NRXN1: variants seen among roughly 807,000 people sequenced by gnomAD.
The protein encoded by NRXN1 is neurexin-1.
A neutral mutation model predicts 150.9 loss-of-function variants in NRXN1; 39 were observed. That is an observed-to-expected ratio of 0.26 (90% CI 0.20 to 0.34). The LOEUF (loss-of-function observed/expected upper bound fraction) is 0.34. Ranked by LOEUF, NRXN1 falls within the 10% of genes least tolerant of loss-of-function variation. The probability of loss-of-function intolerance (pLI) is 1.00; values close to 1 mark genes in which losing one functional copy is unlikely to be tolerated. For synonymous variants in NRXN1, 924 were observed against 757.0 expected, an observed-to-expected ratio of 1.22 and a Z score of -3.62; for missense variants, 1,815 against 1,949.9, an observed-to-expected ratio of 0.93 and a Z score of 1.30.
rs551187079 is a variant in NRXN1, at chr2:50,132,988, T to C, written c.3547-41494A>G. On this transcript the variant is annotated intron_variant, in intron 18 of 22. Coordinates refer to ENST00000401669, the MANE Select transcript of NRXN1 (RefSeq NM_001330078.2). ...TGAGATAGAAAGGAGCTGCGTAACATTATACTTCGTTTGGGTGTATCTTAG... is the reference window on the plus strand; with the variant it reads ...TGAGATAGAAAGGAGCTGCGTAACACTATACTTCGTTTGGGTGTATCTTAG... Among the ~76,000 whole-genome samples, 21 of 152,126 alleles carry C rather than the reference T, an allele frequency of 1.4e-4. No individual in the cohort carries two copies. The East Asian group carries it at 4.1e-3, about 30-fold the overall frequency.
At chr2:50,801,297 T>C (rs1707551131) in intron 5 of NRXN1, among the ~76,000 whole-genome samples, 1 of 152,208 alleles carries the variant, frequency 6.6e-6, no homozygotes, top group Non-Finnish European at 1.5e-5. Context: ...AGGATAAAAA[T>C]GTACCTATGA....
chr2:50,710,675 A>C (rs990707312), intron 5 of NRXN1, among the ~76,000 whole-genome samples: 6 of 152,162 alleles, frequency 3.9e-5, no homozygotes, highest in African/African-American at 1.4e-4. Context: ...TGAACTCGAC[A>C]TTTAGCTTAC....
intron 5 of NRXN1, among the ~76,000 whole-genome samples, chr2:50,829,999 G>GGA (rs1425873902): frequency 1.0e-4 from 6 of 58,178 alleles, no homozygotes; most frequent in East Asian, 7.6e-4. Flanking sequence ...CTGCCTGCTG[G>GGA]AAAAAAAAAA....
intron 5 of NRXN1, among the ~76,000 whole-genome samples, chr2:50,805,077 ATTAAG>A (rs1176786779): frequency 1.3e-5 from 2 of 152,178 alleles, no homozygotes; most frequent in Non-Finnish European, 2.9e-5. Flanking sequence ...TACTGTGGGA[ATTAAG>A]TGAAGTGATT....
intron 17 of NRXN1, among the ~76,000 whole-genome samples, chr2:50,269,987 A>T (rs1233794188): frequency 6.6e-6 from 1 of 152,180 alleles, no homozygotes; most frequent in African/African-American, 2.4e-5. Flanking sequence ...AAATTAAATT[A>T]AATTAAATTA....
At chr2:50,928,503 C>T (rs1687255774) in intron 2 of NRXN1, among the ~76,000 whole-genome samples, 1 of 152,052 alleles carries the variant, frequency 6.6e-6, no homozygotes, top group African/African-American at 2.4e-5. Flanking sequence ...CCAGCATTTA[C>T]AACCATTCTC....
At chr2:50,068,457 G>T (rs1350679531) in intron 19 of NRXN1, among the ~76,000 whole-genome samples, 1 of 152,084 alleles carries the variant, frequency 6.6e-6, no homozygotes, top group African/African-American at 2.4e-5. Flanking sequence ...ATTATCCTGT[G>T]GTCAGAATCA....
At chr2:50,093,469 A>G (rs955284012) in intron 18 of NRXN1, among the ~76,000 whole-genome samples, 4 of 102,116 alleles carry the variant, frequency 3.9e-5, no homozygotes, top group African/African-American at 1.6e-4. Flanking sequence ...AAAAAAAAGA[A>G]AAAGAAAAAA....
intron 5 of NRXN1, among the ~76,000 whole-genome samples, chr2:50,871,067 G>A (rs1677707754): frequency 1.3e-5 from 2 of 151,822 alleles, no homozygotes. Context: ...TCATTTATCA[G>A]TAGCATATAG....
intron 17 of NRXN1, among the ~76,000 whole-genome samples, chr2:50,436,007 A>G (rs2085388967): frequency 1.3e-5 from 2 of 152,216 alleles, no homozygotes; most frequent in African/African-American, 4.8e-5. Flanking sequence ...TATTTTACAT[A>G]TAACTAACAT....
rs377404001 is a variant in NRXN1 at position 50,499,667 on chromosome 2, T to G, written c.2498-1953A>C. On this transcript the variant is annotated intron_variant, in intron 13 of 22. Transcript: ENST00000401669. ...AAGAATATGAGAAGCTTAAAAATCG[T>G]CTAGATGCGGTGGCTCACGCCTGTA... 1.7e-3 allele frequency among the ~76,000 whole-genome samples: 253 copies of G among 152,128 alleles called. 1 individual carries two copies. Among genetic ancestry groups the G allele is most frequent in the African/African-American group, 5.9e-3 (245 of 41,512 alleles).
At chr2:50,314,619 CATT>C (rs1300290725) in intron 17 of NRXN1, among the ~76,000 whole-genome samples, 1 of 121,704 alleles carries the variant, frequency 8.2e-6, no homozygotes, top group Admixed American at 7.7e-5. Flanking sequence ...TCTAAAATGT[CATT>C]ATTTTTTTAA....
intron 17 of NRXN1, among the ~76,000 whole-genome samples, chr2:50,266,001 TA>T (rs1381927885): frequency 0.046 from 2,265 of 49,682 alleles, 45 homozygotes; most frequent in African/African-American, 0.13. Flanking sequence ...TATTATTATT[TA>T]TTTTTTTTTT....
chr2:50,868,634 A>T (rs545901694), intron 5 of NRXN1, among the ~76,000 whole-genome samples: 13 of 151,996 alleles, frequency 8.6e-5, no homozygotes, highest in African/African-American at 3.1e-4. Context: ...ATATTATCAT[A>T]ATTTATTGTT....
chr2:50,569,182 A>G (rs71411510), intron 8 of NRXN1, among the ~76,000 whole-genome samples: 68 of 152,204 alleles, frequency 4.5e-4, no homozygotes, highest in African/African-American at 1.6e-3. Context: ...GGTTAATGGG[A>G]ACAAAAATAT....
chr2:50,585,159 G>T (rs1207227444), intron 8 of NRXN1, among the ~76,000 whole-genome samples: 1 of 152,110 alleles, frequency 6.6e-6, no homozygotes, highest in Non-Finnish European at 1.5e-5. Flanking sequence ...TCGGTGTTCG[G>T]TGTGCTTAGT....
chr2:50,888,717 A>C (rs1427313197), intron 5 of NRXN1, among the ~76,000 whole-genome samples: 1 of 151,562 alleles, frequency 6.6e-6, no homozygotes, highest in African/African-American at 2.4e-5. Context: ...TTGCCCTGAC[A>C]ATGTATTCTC....
intron 5 of NRXN1, among the ~76,000 whole-genome samples, chr2:50,755,412 A>G (rs901490843): frequency 2.6e-5 from 4 of 151,840 alleles, no homozygotes; most frequent in African/African-American, 9.7e-5. Context: ...CATTTACCAT[A>G]TGCCAAACAC....
At chr2:49,967,373 C>CA (rs1271679868) in intron 21 of NRXN1, among the ~76,000 whole-genome samples, 1 of 151,878 alleles carries the variant, frequency 6.6e-6, no homozygotes, top group Non-Finnish European at 1.5e-5. Context: ...TATAAAATGA[C>CA]AAAGCTGTGA....
Sources: allele counts gnomAD v4.1 joint callset (sites outside exome capture counted in the v4.1 genomes callset), GRCh38; gene constraint gnomAD v4.1.1; transcripts MANE v1.5; gene names NCBI Gene and HGNC (gene_info 2026-07-23, HGNC 2026-07-21).